The following C11orf52 variants were observed in gnomAD, a reference collection of about 807,000 sequenced individuals.
The protein encoded by C11orf52 is chromosome 11 open reading frame 52.
C11orf52 carries 9 observed loss-of-function variants against 11.7 expected under a neutral mutation model. The observed-to-expected ratio is 0.77, with a 90% CI of 0.46 to 1.34. C11orf52 has a LOEUF of 1.34. Among genes scored for constraint, C11orf52 ranks in the 40% most tolerant of loss-of-function variants. C11orf52 has a pLI of 0.00. For synonymous variants in C11orf52, 49 were observed against 57.4 expected (o/e 0.85, Z 0.66); for missense variants, 139 against 154.8 (o/e 0.90, Z 0.54).
At chr11:111,922,428 A>G (rs1555166618) in intron 1 of C11orf52, among the ~76,000 whole-genome samples, 2 of 152,224 alleles carry the variant, frequency 1.3e-5, no homozygotes, top group Non-Finnish European at 2.9e-5. Context: ...CTGATTACAA[A>G]GGTAATAATC....
In C11orf52 at chr11:111,921,610, A is replaced by T. The variant is rs142908897; in HGVS notation, c.32+2606A>T. Among the ~76,000 whole-genome samples the T allele has an allele frequency of 2.6e-5, 4 of 152,358 alleles. 1 individual carries two copies. Among genetic ancestry groups the T allele is most frequent in the Non-Finnish European group, 4.4e-5 (3 of 68,030 alleles). ...ATAGACATAGGACATCTAGAAGCAC[A>T]GAAAAGCTTCTAGAGAAGGAGATGT... On this transcript the variant is annotated intron_variant, in intron 1 of 3. Coordinates refer to ENST00000278601, the MANE Select transcript of C11orf52 (RefSeq NM_080659.3).
rs782079417 is a variant in C11orf52 at position 111,925,642 on chromosome 11, C to T, written c.71-11C>T. 3.1e-6 allele frequency: 5 copies of T among 1,613,932 alleles called. No individual in the cohort carries two copies. In the East Asian group the frequency reaches 8.9e-5, roughly 29 times the overall value. On this transcript the variant is annotated splice_polypyrimidine_tract_variant and intron_variant, in intron 2 of 3. Transcript: ENST00000278601. ...GAGAGAATAAACTTAAGTTGGATTT[C>T]TTCCCCTCAGGAAGCCAAACAAGAC... is the stretch of plus-strand genomic sequence containing the variant.
At chr11:111,921,630 A>C (rs1965700415) in intron 1 of C11orf52, among the ~76,000 whole-genome samples, 1 of 152,190 alleles carries the variant, frequency 6.6e-6, no homozygotes, top group Non-Finnish European at 1.5e-5. Context: ...CTAGAGAAGG[A>C]GATGTAACAG....
At chr11:111,920,524 C>G (rs57527690) in intron 1 of C11orf52, among the ~76,000 whole-genome samples, 1 of 150,676 alleles carries the variant, frequency 6.6e-6, no homozygotes, top group Non-Finnish European at 1.5e-5. Context: ...GGCAACAGAG[C>G]GAGACTATGT....
At chr11:111,924,454 A>G (rs1249965917) in intron 2 of C11orf52, 91 bp downstream of exon 2, 6 of 1,126,110 alleles carry the variant, frequency 5.3e-6, no homozygotes, top group African/African-American at 3.1e-5. Flanking sequence ...AAGGGTAGAA[A>G]AGGAATGAAA....
chr11:111,920,532 T>G (rs782216539), intron 1 of C11orf52, among the ~76,000 whole-genome samples: 7 of 150,514 alleles, frequency 4.7e-5, no homozygotes, highest in Non-Finnish European at 1.0e-4. Flanking sequence ...AGCGAGACTA[T>G]GTCTTGAAAA....
At chr11:111,919,044 G>T (rs782587216) in intron 1 of C11orf52, 40 bp downstream of exon 1, 1 of 1,611,990 alleles carries the variant, frequency 6.2e-7, no homozygotes, top group Non-Finnish European at 8.5e-7. Flanking sequence ...ATCTATCTCT[G>T]TTGGTGGATG....
intron 1 of C11orf52, chr11:111,919,287 A>G: frequency 2.5e-6 from 1 of 395,914 alleles, no homozygotes; most frequent in Non-Finnish European, 4.7e-6. Flanking sequence ...ATCCTAGCCA[A>G]CATGGTGAAA....
chr11:111,919,193 G>A, intron 1 of C11orf52, 189 bp downstream of exon 1: 1 of 670,478 alleles, frequency 1.5e-6, no homozygotes, highest in South Asian at 1.9e-5. Context: ...AGAGCCAAGT[G>A]GCTGGGCGCG....
In C11orf52 at chr11:111,925,993, G is replaced by T. The variant is rs115724940; in HGVS notation, c.166G>T (p.Val56Leu). ...AACAACAGGACATACGTATGAACGG[G>T]TGTTACAGCAGCAAGGGTCTCAAGA... is the stretch of plus-strand genomic sequence containing the variant. ...HETTGHTYER[V>L]LQQQGSQERS... is the part of the protein sequence containing the mutation. Residue 56 changes from valine to leucine, a missense_variant, in exon 4 of 4, where the codon GTG (valine) becomes TTG (leucine). Physicochemically the swap from Val to Leu is conservative, Grantham distance 32. Coordinates refer to ENST00000278601, the MANE Select transcript of C11orf52 (RefSeq NM_080659.3). 1,872 of 1,614,236 alleles carry T rather than the reference G, an allele frequency of 1.2e-3. 17 individuals carry two copies. Among genetic ancestry groups the T allele is most frequent in the South Asian group, 0.011 (984 of 91,084 alleles).
chr11:111,923,366 T>C (rs1454282618), intron 1 of C11orf52, among the ~76,000 whole-genome samples: 1 of 152,164 alleles, frequency 6.6e-6, no homozygotes, highest in African/African-American at 2.4e-5. Flanking sequence ...AAATCCTGAC[T>C]TTTTCCCCAC....
In C11orf52 at chr11:111,926,243, G is replaced by C. The variant is rs1395197699; in HGVS notation, c.*44G>C. On this transcript the variant is annotated 3_prime_UTR_variant, in exon 4 of 4. Coordinates refer to ENST00000278601, the MANE Select transcript of C11orf52 (RefSeq NM_080659.3). ...CAGTCCATCGTTAACCACTACACCT[G>C]TGGGGGAGAACCTACTGCTTTGGGG... 6.2e-7 allele frequency: 1 copy of C among 1,604,220 alleles called. No homozygotes were observed. Among genetic ancestry groups the C allele is most frequent in the Non-Finnish European group, 8.5e-7 (1 of 1,173,376 alleles).
chr11:111,925,993 G>C lies in C11orf52; in HGVS notation c.166G>C (p.Val56Leu). Residue 56 changes from valine to leucine, a missense_variant, in exon 4 of 4, where the codon GTG becomes CTG. By Grantham distance (32) the Val-to-Leu change is conservative (BLOSUM62 1). Coordinates refer to ENST00000278601, the MANE Select transcript of C11orf52 (RefSeq NM_080659.3). ...AACAACAGGACATACGTATGAACGGGTGTTACAGCAGCAAGGGTCTCAAGA... is the reference window on the plus strand; with the variant it reads ...AACAACAGGACATACGTATGAACGGCTGTTACAGCAGCAAGGGTCTCAAGA... ...HETTGHTYERVLQQQGSQERS... is the reference protein window; with the variant it reads ...HETTGHTYERLLQQQGSQERS... 6.2e-7 allele frequency: 1 copy of C among 1,614,236 alleles called. No individual in the cohort carries two copies. The highest frequency in any genetic ancestry group is 8.5e-7 in the Non-Finnish European group (1 of 1,180,034).
chr11:111,924,245 G>A, intron 1 of C11orf52, 81 bp from the exon 2 acceptor site: 1 of 1,355,488 alleles, frequency 7.4e-7, no homozygotes, highest in Non-Finnish European at 1.0e-6. Context: ...GAATGTTAAG[G>A]AGACCACAGA....
In C11orf52 at chr11:111,919,020, G is replaced by A; in HGVS notation, c.32+16G>A. On this transcript the variant is annotated intron_variant, in intron 1 of 3. Coordinates refer to ENST00000278601, the MANE Select transcript of C11orf52 (RefSeq NM_080659.3). ...GAGGAAGCTGGTGAGTAGGCTGGAA[G>A]GGCAAAGGGGAACATCTATCTCTGT... The A allele has an allele frequency of 6.2e-7, 1 of 1,614,090 alleles. No homozygotes were observed. The highest frequency in any genetic ancestry group is 8.5e-7 in the Non-Finnish European group (1 of 1,179,994).
At chr11:111,919,202 C>T (rs1380510816) in intron 1 of C11orf52, 198 bp downstream of exon 1, 9 of 629,576 alleles carry the variant, frequency 1.4e-5, no homozygotes, top group African/African-American at 1.1e-4. Context: ...TGGCTGGGCG[C>T]GGTGGCTCAC....
intron 1 of C11orf52, 143 bp downstream of exon 1, chr11:111,919,147 C>A: frequency 1.1e-6 from 1 of 903,510 alleles, no homozygotes; most frequent in Non-Finnish European, 1.7e-6. Context: ...GTTCCAACAC[C>A]AGAGCAGCAC....
rs116008429 is a variant in C11orf52, at chr11:111,924,815, G to A, written c.70+452G>A. Among the ~76,000 whole-genome samples, 666 of 152,246 alleles carry A rather than the reference G, an allele frequency of 4.4e-3. 3 individuals carry two copies. Among genetic ancestry groups the A allele is most frequent in the African/African-American group, 0.015 (629 of 41,546 alleles). Reference sequence around the variant, plus strand: ...AGAATTGAGAGAAGACACTGATGTCGAAATGTCAAAGAAATAATAGCAAAG... The same window carrying A: ...AGAATTGAGAGAAGACACTGATGTCAAAATGTCAAAGAAATAATAGCAAAG... On this transcript the variant is annotated intron_variant, in intron 2 of 3. Coordinates refer to ENST00000278601, the MANE Select transcript of C11orf52 (RefSeq NM_080659.3).
intron 1 of C11orf52, among the ~76,000 whole-genome samples, chr11:111,920,865 T>C (rs1555166497): frequency 1.3e-5 from 2 of 152,236 alleles, no homozygotes. Flanking sequence ...TGACCATAGG[T>C]AATAAGTCCC....
Sources: gnomAD v4.1 joint callset for allele counts (sites outside exome capture counted in the v4.1 genomes callset) on GRCh38, gnomAD v4.1.1 for gene constraint, MANE v1.5 for transcripts, NCBI Gene and HGNC (gene_info 2026-07-23, HGNC 2026-07-21) for gene names.